The following PCCA variants were observed in gnomAD, a reference collection of about 807,000 sequenced individuals.
PCCA encodes the protein propionyl-CoA carboxylase alpha chain, mitochondrial.
In PCCA, 74 loss-of-function variants were observed where a neutral mutation model predicts 101.3. The observed-to-expected ratio is 0.73, with a 90% CI of 0.61 to 0.89. The LOEUF (loss-of-function observed/expected upper bound fraction) is 0.89. Among genes scored for constraint, PCCA ranks in the 40% least tolerant of loss-of-function variants. PCCA has a pLI of 0.00. For missense variants in PCCA, 891 were observed against 907.0 expected (o/e 0.98, Z 0.23); for synonymous variants, 294 against 313.6 (o/e 0.94, Z 0.66).
intron 19 of PCCA, 43 bp downstream of exon 19, chr13:100,368,617 C>T: frequency 8.2e-7 from 1 of 1,215,642 alleles, no homozygotes; most frequent in Non-Finnish European, 1.2e-6. Context: ...TTGATGTTAT[C>T]TATGAATATT....
chr13:100,453,517 A>G (rs1415515446), intron 21 of PCCA, among the ~76,000 whole-genome samples: 1 of 152,038 alleles, frequency 6.6e-6, no homozygotes, highest in Non-Finnish European at 1.5e-5. Context: ...ATGGAGAAAA[A>G]GAAAGTGCAG....
intron 15 of PCCA, among the ~76,000 whole-genome samples, chr13:100,308,621 T>A (rs748384227): frequency 5.3e-5 from 8 of 152,304 alleles, no homozygotes; most frequent in Non-Finnish European, 1.2e-4. Context: ...CCACCGTGGT[T>A]GGCCTAAGTT....
intron 1 of PCCA, among the ~76,000 whole-genome samples, chr13:100,098,368 T>C (rs1286898688): frequency 6.6e-6 from 1 of 152,220 alleles, no homozygotes; most frequent in Non-Finnish European, 1.5e-5. Flanking sequence ...AGTTTACTCT[T>C]AGAGCACATC....
At chr13:100,164,184 A>G (rs2054795708) in intron 6 of PCCA, among the ~76,000 whole-genome samples, 1 of 152,246 alleles carries the variant, frequency 6.6e-6, no homozygotes, top group South Asian at 2.1e-4. Context: ...TAGATTAAAT[A>G]TTTTATTTGA....
intron 4 of PCCA, among the ~76,000 whole-genome samples, chr13:100,152,850 G>A (rs946109977): frequency 3.3e-5 from 5 of 152,136 alleles, no homozygotes; most frequent in African/African-American, 7.2e-5. Context: ...GTATCATTAC[G>A]AAAGTGTATT....
At chr13:100,397,149 T>C (rs1446512180) in intron 19 of PCCA, among the ~76,000 whole-genome samples, 1 of 152,184 alleles carries the variant, frequency 6.6e-6, no homozygotes, top group South Asian at 2.1e-4. Context: ...GAGTGGCCAT[T>C]ATTTGCAATA....
chr13:100,454,493 T>C (rs2081571651), intron 21 of PCCA, among the ~76,000 whole-genome samples: 3 of 152,320 alleles, frequency 2.0e-5, no homozygotes, highest in South Asian at 2.1e-4. Context: ...CAAATACAGA[T>C]TGATTCCTAG....
intron 6 of PCCA, among the ~76,000 whole-genome samples, chr13:100,166,801 G>A (rs933199518): frequency 6.6e-6 from 1 of 152,096 alleles, no homozygotes; most frequent in Non-Finnish European, 1.5e-5. Context: ...GGAATGGCTA[G>A]ATCATTTGTA....
intron 21 of PCCA, among the ~76,000 whole-genome samples, chr13:100,504,410 A>T (rs1446248252): frequency 3.9e-5 from 6 of 152,184 alleles, no homozygotes; most frequent in Non-Finnish European, 2.9e-5. Flanking sequence ...CAGCGTGAAG[A>T]GTTGAGGTGC....
rs528484036 is a variant in PCCA, at chr13:100,108,542, G to A, written c.184-3299G>A. On this transcript the variant is annotated intron_variant, in intron 2 of 23. Coordinates refer to ENST00000376285, the MANE Select transcript of PCCA (RefSeq NM_000282.4). ...GTCATATTGAGAATTCCTTGTAGTT[G>A]CTTAGTGCTACCCTCTTCTTCCAGT... Among the ~76,000 whole-genome samples, 4 of 152,222 alleles carry A rather than the reference G, an allele frequency of 2.6e-5. No homozygotes were observed. In the South Asian group the frequency reaches 8.3e-4, roughly 32 times the overall value.
intron 9 of PCCA, among the ~76,000 whole-genome samples, chr13:100,261,505 A>G (rs1459864073): frequency 1.3e-5 from 2 of 152,062 alleles, no homozygotes; most frequent in East Asian, 3.9e-4. Flanking sequence ...AGCTGGGACT[A>G]CAGGCATGGG....
At chr13:100,188,371 G>T (rs1463278647) in intron 6 of PCCA, among the ~76,000 whole-genome samples, 2 of 151,710 alleles carry the variant, frequency 1.3e-5, no homozygotes, top group Non-Finnish European at 2.9e-5. Flanking sequence ...CATCTGGATT[G>T]CTGCAAATGC....
intron 21 of PCCA, among the ~76,000 whole-genome samples, chr13:100,501,846 C>A (rs2085697102): frequency 1.4e-5 from 2 of 147,632 alleles, no homozygotes; most frequent in Non-Finnish European, 3.0e-5. Context: ...TGCACTCCAG[C>A]CTGGGCAACA....
intron 22 of PCCA, among the ~76,000 whole-genome samples, chr13:100,521,210 G>A (rs963175787): frequency 3.3e-5 from 5 of 152,172 alleles, no homozygotes; most frequent in Non-Finnish European, 5.9e-5. Context: ...TTTTATATCG[G>A]CCACAAGTCT....
intron 21 of PCCA, among the ~76,000 whole-genome samples, chr13:100,498,577 C>T (rs2085443445): frequency 6.6e-6 from 1 of 152,172 alleles, no homozygotes; most frequent in Non-Finnish European, 1.5e-5. Flanking sequence ...CAACGCTGTA[C>T]AACCATCATC....
At chr13:100,265,584 A>G (rs895757329) in intron 10 of PCCA, among the ~76,000 whole-genome samples, 2 of 150,978 alleles carry the variant, frequency 1.3e-5, no homozygotes, top group African/African-American at 2.4e-5. Flanking sequence ...ACACCCACCC[A>G]CTCCCACCTC....
intron 7 of PCCA, among the ~76,000 whole-genome samples, chr13:100,227,795 C>T (rs1269115436): frequency 1.3e-5 from 2 of 152,128 alleles, no homozygotes; most frequent in Admixed American, 6.5e-5. Flanking sequence ...TCATTGGACT[C>T]TTTTTTCCCT....
chr13:100,231,132 T>C (rs2060444449), intron 7 of PCCA, among the ~76,000 whole-genome samples: 1 of 152,216 alleles, frequency 6.6e-6, no homozygotes, highest in Non-Finnish European at 1.5e-5. Context: ...CTTTAAAACT[T>C]GTACATAACA....
intron 14 of PCCA, among the ~76,000 whole-genome samples, chr13:100,306,657 A>G (rs2066478345): frequency 6.6e-6 from 1 of 151,488 alleles, no homozygotes; most frequent in South Asian, 2.1e-4. Flanking sequence ...TTTACAAAGC[A>G]AAGCCATAGG....
Sources: allele counts gnomAD v4.1 joint callset (sites outside exome capture counted in the v4.1 genomes callset), GRCh38; gene constraint gnomAD v4.1.1; transcripts MANE v1.5; gene names NCBI Gene and HGNC (gene_info 2026-07-23, HGNC 2026-07-21).